Variants in SMAD6 observed in about 807,000 individuals in gnomAD.
The protein encoded by SMAD6 is SMAD family member 6, also known as MAD homolog 6.
Under a neutral mutation model 39.4 loss-of-function variants are expected in SMAD6, and 103 were observed. That is an observed-to-expected ratio of 2.62 (90% CI 2.23 to 3.08). The LOEUF (loss-of-function observed/expected upper bound fraction) is 3.08. Among genes scored for constraint, SMAD6 ranks in the 30% most tolerant of loss-of-function variants. The pLI is 0.00. For missense variants in SMAD6, 1,104 were observed against 742.9 expected (o/e 1.49, Z -5.65); for synonymous variants, 445 against 353.3 (o/e 1.26, Z -2.91).
chr15:66,721,459 C>T lies in SMAD6; in HGVS notation c.952+4961C>T, dbSNP rs184049565. Among the ~76,000 whole-genome samples, 34 of 152,252 alleles carry T rather than the reference C, an allele frequency of 2.2e-4. No homozygotes were observed. The East Asian group carries it at 6.6e-3, about 29-fold the overall frequency. ...CGTGTTCCAGGGTGTGTGGTTCAGT[C>T]CATTCAGTGTGTTCTGAGTCCCTGT... On this transcript the variant is annotated intron_variant, in intron 3 of 3. Coordinates refer to ENST00000288840, the MANE Select transcript of SMAD6 (RefSeq NM_005585.5).
chr15:66,745,493 C>A (rs966476410), intron 3 of SMAD6, among the ~76,000 whole-genome samples: 13 of 152,188 alleles, frequency 8.5e-5, no homozygotes, highest in African/African-American at 2.9e-4. Context: ...CCCTAAACTC[C>A]CCTTCCCCAC....
chr15:66,721,829 A>G (rs2439396), intron 3 of SMAD6, among the ~76,000 whole-genome samples: 31,240 of 152,170 alleles, frequency 0.21, 3,487 homozygotes, highest in African/African-American at 0.3. Context: ...AAACAATAAC[A>G]AGAGGCGGTC....
rs375796636 is a variant in SMAD6 at position 66,767,279 on chromosome 15, G to A, written c.953-13718G>A. 1.7e-4 allele frequency among the ~76,000 whole-genome samples: 26 copies of A among 152,134 alleles called. No individual in the cohort carries two copies. In the East Asian group the frequency reaches 2.7e-3, roughly 16 times the overall value. Reference sequence around the variant, plus strand: ...AACATCCCACCATCACCATCAATGAGGATAGAACTGCCTTCTTGGCATGGG... The same window carrying A: ...AACATCCCACCATCACCATCAATGAAGATAGAACTGCCTTCTTGGCATGGG... On this transcript the variant is annotated intron_variant, in intron 3 of 3. Coordinates refer to ENST00000288840, the MANE Select transcript of SMAD6 (RefSeq NM_005585.5).
At chr15:66,759,516 A>C (rs1349507146) in intron 3 of SMAD6, among the ~76,000 whole-genome samples, 2 of 152,234 alleles carry the variant, frequency 1.3e-5, no homozygotes, top group East Asian at 3.8e-4. Flanking sequence ...ATGTATGGGC[A>C]CTTAGGTCAG....
At chr15:66,721,739 A>C (rs747559694) in intron 3 of SMAD6, among the ~76,000 whole-genome samples, 5 of 152,194 alleles carry the variant, frequency 3.3e-5, no homozygotes, top group Non-Finnish European at 4.4e-5. Context: ...TGTTCCAGGC[A>C]CTGTGCATAG....
chr15:66,711,603 G>A (rs1893227319), intron 1 of SMAD6, 65 bp from the exon 2 acceptor site: 1 of 1,222,920 alleles, frequency 8.2e-7, no homozygotes, highest in Non-Finnish European at 1.2e-6. Flanking sequence ...GTAATTAAAA[G>A]CATGTAGAAC....
Position 66,781,595 on chromosome 15 carries a change from G to T in SMAD6, c.*60G>T. The T allele has an allele frequency of 7.7e-7, 1 of 1,294,308 alleles. No individual in the cohort carries two copies. The highest frequency in any genetic ancestry group is 1.0e-6 in the Non-Finnish European group (1 of 970,922). 80.2% of individuals were successfully genotyped at this position (1,294,308 alleles called of 1,614,324 possible). On this transcript the variant is annotated 3_prime_UTR_variant, in exon 4 of 4. Coordinates refer to ENST00000288840, the MANE Select transcript of SMAD6 (RefSeq NM_005585.5). Reference sequence around the variant, plus strand: ...GCGGCCACCGCCACCTGCCGGCCTCGAGAGGGGCCGATGCCCAGAGACACA... The same window carrying T: ...GCGGCCACCGCCACCTGCCGGCCTCTAGAGGGGCCGATGCCCAGAGACACA...
chr15:66,720,435 G>A (rs1893411972), intron 3 of SMAD6, among the ~76,000 whole-genome samples: 2 of 152,134 alleles, frequency 1.3e-5, no homozygotes, highest in Admixed American at 1.3e-4. Context: ...GCCAGGCCGG[G>A]CTGGGTGAGC....
At chr15:66,755,291 G>T (rs773090777) in intron 3 of SMAD6, among the ~76,000 whole-genome samples, 12 of 152,156 alleles carry the variant, frequency 7.9e-5, no homozygotes, top group African/African-American at 2.7e-4. Context: ...TGCCAGGCAG[G>T]TTCTCATGGA....
chr15:66,777,849 G>A (rs905080404), intron 3 of SMAD6, among the ~76,000 whole-genome samples: 2 of 152,234 alleles, frequency 1.3e-5, no homozygotes, highest in African/African-American at 4.8e-5. Flanking sequence ...GATGGGGCCT[G>A]GCTCAAGCCC....
At chr15:66,733,095 G>T (rs1893658161) in intron 3 of SMAD6, among the ~76,000 whole-genome samples, 2 of 151,700 alleles carry the variant, frequency 1.3e-5, no homozygotes, top group African/African-American at 2.4e-5. Flanking sequence ...AATTAACTTT[G>T]TCTAAAATAG....
rs1216175295 is a variant in SMAD6 at position 66,714,447 on chromosome 15, AT to A, written c.875-1970del. 2.6e-5 allele frequency among the ~76,000 whole-genome samples: 4 copies of A among 152,256 alleles called. No homozygotes were observed. The East Asian group carries it at 7.7e-4, about 29-fold the overall frequency. ...CACCTGAAAATTACGTGAAATTCAG[AT>A]TTTGGTGTCCGGAAGTGGAGTTTTA... is the stretch of plus-strand genomic sequence containing the variant. On this transcript the variant is annotated intron_variant, in intron 2 of 3. Transcript: ENST00000288840.
chr15:66,723,514 T>TA (rs1337062848), intron 3 of SMAD6, among the ~76,000 whole-genome samples: 1 of 152,000 alleles, frequency 6.6e-6, no homozygotes, highest in African/African-American at 2.4e-5. Context: ...CCCTACCTCT[T>TA]AAAAAAATTT....
At position 66,781,463 on chromosome 15, in the gene SMAD6, G is replaced by A. The variant is rs1350256375; in HGVS notation, c.1419G>A (p.Gly473=). 7.5e-6 allele frequency: 12 copies of A among 1,603,518 alleles called. No homozygotes were observed. The highest frequency in any genetic ancestry group is 1.7e-5 in the Admixed American group (1 of 59,586). Residue 473 remains glycine (G), a synonymous_variant, in exon 4 of 4, where the codon GGG becomes GGA. Transcript: ENST00000288840. ...SVRISFAKGW[G]PCYSRQFITS... ...GCATCAGCTTCGCCAAGGGCTGGGG[G>A]CCCTGCTACTCCCGGCAGTTCATCA...
chr15:66,722,357 T>G (rs571259570), intron 3 of SMAD6, among the ~76,000 whole-genome samples: 18 of 152,308 alleles, frequency 1.2e-4, no homozygotes, highest in African/African-American at 3.8e-4. Context: ...GAACATTTCA[T>G]TGAGTTTTGG....
At chr15:66,726,732 G>A (rs1595772642) in intron 3 of SMAD6, among the ~76,000 whole-genome samples, 1 of 152,232 alleles carries the variant, frequency 6.6e-6, no homozygotes, top group East Asian at 1.9e-4. Context: ...ACTTCCACTT[G>A]GGCTTGTTCA....
In SMAD6 at chr15:66,703,915, C is replaced by A. The variant is rs1252567398; in HGVS notation, c.657C>A (p.Pro219=). 2 of 1,298,536 alleles carry A rather than the reference C, an allele frequency of 1.5e-6. No homozygotes were observed. Among genetic ancestry groups the A allele is most frequent in the South Asian group, 4.8e-5 (2 of 41,480 alleles). The allele number at this position is 1,298,536 out of a possible 1,614,324, so 80.4% of individuals were successfully genotyped here. A position where few individuals can be genotyped will look rare whatever the true frequency, so the allele number is the denominator to read the frequency against. The change falls in exon 1 of 4, where the codon CCC becomes CCA. Residue 219 remains proline (P), a synonymous_variant. Transcript: ENST00000288840. ...CCGACCTCCGCCTGGGCGGCCAGCC[C>A]GCGCCGCCGCAGCTGCTGCTCGGCC... ...PRADLRLGGQ[P]APPQLLLGRL... is the part of the protein sequence containing the mutation.
At position 66,781,501 on chromosome 15, in the gene SMAD6, G is replaced by C. The variant is rs1370465388; in HGVS notation, c.1457G>C (p.Cys486Ser). ...YSRQFITSCP[C>S]WLEILLNNPR ...CGGCAGTTCATCACCTCCTGCCCCT[G>C]CTGGCTGGAGATCCTCCTCAACAAC... The change falls in exon 4 of 4, where the codon TGC (cysteine) becomes TCC (serine). Residue 486 changes from cysteine (C) to serine (S), a missense_variant. Coordinates refer to ENST00000288840, the MANE Select transcript of SMAD6 (RefSeq NM_005585.5). 1 of 1,571,164 alleles carries C rather than the reference G, an allele frequency of 6.4e-7. No individual in the cohort carries two copies. Among genetic ancestry groups the C allele is most frequent in the East Asian group, 2.3e-5 (1 of 43,902 alleles).
chr15:66,752,599 AC>A (rs1398271471), intron 3 of SMAD6, among the ~76,000 whole-genome samples: 2 of 152,080 alleles, frequency 1.3e-5, no homozygotes, highest in African/African-American at 4.8e-5. Flanking sequence ...AGACTGGGCA[AC>A]ATAGTGAGGC....
Sources: allele counts gnomAD v4.1 joint callset (sites outside exome capture counted in the v4.1 genomes callset), GRCh38; gene constraint gnomAD v4.1.1; transcripts MANE v1.5; gene names NCBI Gene and HGNC (gene_info 2026-07-23, HGNC 2026-07-21).